ZNF227: variants seen among roughly 807,000 people sequenced by gnomAD.
The protein encoded by ZNF227 is zinc finger protein 227.
ZNF227 carries 12 observed loss-of-function variants against 13.2 expected under a neutral mutation model. The ratio of observed to expected loss-of-function variants is 0.91; its 90% CI spans 0.58 to 1.47. The LOEUF (loss-of-function observed/expected upper bound fraction) is 1.47, where lower values mean the gene tolerates loss of function less well. Among genes scored for constraint, ZNF227 ranks in the 40% most tolerant of loss-of-function variants. The probability of loss-of-function intolerance (pLI) is 0.00; values close to 1 mark genes in which losing one functional copy is unlikely to be tolerated. For synonymous variants in ZNF227, 338 were observed against 326.0 expected (o/e 1.04, Z -0.40); for missense variants, 885 against 967.5 (o/e 0.91, Z 1.13).
chr19:44,236,600 G>T lies in ZNF227; in HGVS notation c.2170G>T (p.Ala724Ser), dbSNP rs1974533989. 1.9e-6 allele frequency: 3 copies of T among 1,613,920 alleles called. No individual in the cohort carries two copies. The highest frequency in any genetic ancestry group is 2.5e-6 in the Non-Finnish European group (3 of 1,180,016). Residue 724 changes from alanine (A) to serine (S), a missense_variant, in exon 6 of 6, where the codon GCC becomes TCC. Ala to Ser is a moderately conservative substitution (Grantham distance 99, BLOSUM62 1). Coordinates refer to ENST00000313040, the MANE Select transcript of ZNF227 (RefSeq NM_182490.3). Reference protein sequence around the residue: ...KPHICEECGKAFSLPSNLRVH... With the variant: ...KPHICEECGKSFSLPSNLRVH... ...CCATATATGTGAGGAGTGTGGTAAG[G>T]CCTTCAGTCTCCCCTCAAATCTTCG...
At chr19:44,217,638 G>A (rs989523887) in intron 2 of ZNF227, 153 bp from the exon 3 acceptor site, 4 of 845,934 alleles carry the variant, frequency 4.7e-6, no homozygotes, top group Admixed American at 1.7e-5. Flanking sequence ...GAACTATCAT[G>A]CCATTTAGTA....
chr19:44,208,170 G>T (rs955300633), upstream of ZNF227, among the ~76,000 whole-genome samples: 1 of 152,138 alleles, frequency 6.6e-6, no homozygotes, highest in Middle Eastern at 3.2e-3. Flanking sequence ...GTACAGTCAA[G>T]CAGTTTTAAA....
intron 2 of ZNF227, among the ~76,000 whole-genome samples, chr19:44,216,018 C>CT (rs1312719407): frequency 1.1e-5 from 1 of 94,382 alleles, no homozygotes; most frequent in Non-Finnish European, 2.0e-5. Flanking sequence ...AAAGATGTAC[C>CT]TTTAAAAAAA....
upstream of ZNF227, among the ~76,000 whole-genome samples, chr19:44,211,189 C>A: frequency 6.7e-6 from 1 of 149,718 alleles, no homozygotes; most frequent in Non-Finnish European, 1.5e-5. Context: ...GGCAAAAGAG[C>A]CAAACTCTGT....
intron 2 of ZNF227, among the ~76,000 whole-genome samples, chr19:44,216,654 TTA>T (rs1971906879): frequency 2.8e-5 from 4 of 144,920 alleles, no homozygotes; most frequent in African/African-American, 7.9e-5. Context: ...GCCTCTCAAT[TTA>T]TCTTTCATGT....
At position 44,222,361 on chromosome 19, in the gene ZNF227, A is replaced by C. The variant is rs1461554624; in HGVS notation, c.60+4509A>C. Among the ~76,000 whole-genome samples the C allele has an allele frequency of 9.0e-3, 1,364 of 150,980 alleles. 23 individuals carry two copies. The highest frequency in any genetic ancestry group is 0.032 in the African/African-American group (1,284 of 40,536). ...CTATAAATTACCTTGGGCAGTATGG[A>C]CATTTTCACGATATTGATTCTTCCT... On this transcript the variant is annotated intron_variant, in intron 3 of 5. Coordinates refer to ENST00000313040, the MANE Select transcript of ZNF227 (RefSeq NM_182490.3).
Position 44,236,946 on chromosome 19 carries a change from C to G in ZNF227, c.*116C>G. Reference sequence around the variant, plus strand: ...GAGAGTGGAAGGGGGTTTGTTCACACTTGGAATCTTTCTAACAAATCCATC... The same window carrying G: ...GAGAGTGGAAGGGGGTTTGTTCACAGTTGGAATCTTTCTAACAAATCCATC... On this transcript the variant is annotated 3_prime_UTR_variant, in exon 6 of 6. Transcript: ENST00000313040. 1.3e-6 allele frequency: 1 copy of G among 768,670 alleles called. No homozygotes were observed. The highest frequency in any genetic ancestry group is 2.0e-6 in the Non-Finnish European group (1 of 492,524). The allele number at this position is 768,670 out of a possible 1,614,324, so 47.6% of individuals were successfully genotyped here. A position where few individuals can be genotyped will look rare whatever the true frequency, so the allele number is the denominator to read the frequency against.
chr19:44,224,668 C>T (rs997912639), intron 3 of ZNF227, among the ~76,000 whole-genome samples: 9 of 152,156 alleles, frequency 5.9e-5, no homozygotes, highest in South Asian at 4.1e-4. Context: ...TGTCTCTGCA[C>T]GTGAGATGGG....
chr19:44,233,480 G>A (rs1435125784), intron 5 of ZNF227, among the ~76,000 whole-genome samples: 2 of 152,084 alleles, frequency 1.3e-5, no homozygotes, highest in Non-Finnish European at 2.9e-5. Flanking sequence ...AACAAAATGC[G>A]TGTTTTTTTC....
chr19:44,216,036 AAAAG>A (rs1971853636), intron 2 of ZNF227, among the ~76,000 whole-genome samples: 1 of 151,282 alleles, frequency 6.6e-6, no homozygotes, highest in African/African-American at 2.4e-5. Flanking sequence ...AAAAAAAAAA[AAAAG>A]CTATGTTTTT....
chr19:44,215,663 T>C lies in ZNF227; in HGVS notation c.-2-2128T>C, dbSNP rs770237352. 2.0e-5 allele frequency among the ~76,000 whole-genome samples: 3 copies of C among 152,102 alleles called. No homozygotes were observed. The South Asian group carries it at 6.2e-4, about 31-fold the overall frequency. ...TAAACTTAATCAGCATGTGTTCTTA[T>C]TCTGAAGAATATTGAGACTAAAAAA... On this transcript the variant is annotated intron_variant, in intron 2 of 5. Coordinates refer to ENST00000313040, the MANE Select transcript of ZNF227 (RefSeq NM_182490.3).
intron 3 of ZNF227, among the ~76,000 whole-genome samples, chr19:44,226,295 A>G (rs1188881491): frequency 2.0e-5 from 3 of 151,978 alleles, no homozygotes. Flanking sequence ...GAGAACCACT[A>G]CTCTGTTCAA....
At chr19:44,230,202 A>G in intron 5 of ZNF227, among the ~76,000 whole-genome samples, 1 of 151,960 alleles carries the variant, frequency 6.6e-6, no homozygotes, top group African/African-American at 2.4e-5. Context: ...TTTTGTAGAG[A>G]TGAGGTCTTG....
chr19:44,212,360 C>A (rs1971417754), upstream of ZNF227, among the ~76,000 whole-genome samples: 1 of 144,292 alleles, frequency 6.9e-6, no homozygotes, highest in African/African-American at 2.6e-5. Context: ...CTCACTCGCT[C>A]GCTCCGTTTT....
intron 3 of ZNF227, among the ~76,000 whole-genome samples, chr19:44,226,778 C>T (rs1192613975): frequency 1.3e-5 from 2 of 152,158 alleles, no homozygotes; most frequent in African/African-American, 4.8e-5. Flanking sequence ...GTGCTGCACC[C>T]ACTGCCCTGC....
rs1382160926 is a variant in ZNF227 at position 44,222,960 on chromosome 19, G to A, written c.60+5108G>A. Among the ~76,000 whole-genome samples, 4 of 151,784 alleles carry A rather than the reference G, an allele frequency of 2.6e-5. No homozygotes were observed. In the East Asian group the frequency reaches 7.7e-4, roughly 29 times the overall value. On this transcript the variant is annotated intron_variant, in intron 3 of 5. Transcript: ENST00000313040. Reference sequence around the variant, plus strand: ...CCCATCAATACCTAATTTATTGAGAGTTTTTAGCATGAAGGGTTGTTGAAT... The same window carrying A: ...CCCATCAATACCTAATTTATTGAGAATTTTTAGCATGAAGGGTTGTTGAAT...
chr19:44,220,738 A>G (rs751754804), intron 3 of ZNF227, among the ~76,000 whole-genome samples: 9 of 152,108 alleles, frequency 5.9e-5, no homozygotes, highest in African/African-American at 1.4e-4. Context: ...TACATGTGCC[A>G]TGCTGGTGTG....
At chr19:44,215,847 A>G (rs1971817519) in intron 2 of ZNF227, among the ~76,000 whole-genome samples, 1 of 151,842 alleles carries the variant, frequency 6.6e-6, no homozygotes, top group Non-Finnish European at 1.5e-5. Context: ...AATTAGCCAG[A>G]CGTGGTGGTG....
rs1390253991 is a variant in ZNF227, at chr19:44,230,943, A to C, written c.271+1127A>C. On this transcript the variant is annotated intron_variant, in intron 5 of 5. Coordinates refer to ENST00000313040, the MANE Select transcript of ZNF227 (RefSeq NM_182490.3). ...AAAAAAAAAATATATATATATATAT[A>C]TATATATATATCTTAGCCAGGCATG... is the stretch of plus-strand genomic sequence containing the variant. Among the ~76,000 whole-genome samples the C allele has an allele frequency of 5.9e-4, 80 of 135,400 alleles. 3 individuals are homozygous for C. Among genetic ancestry groups the C allele is most frequent in the African/African-American group, 1.8e-3 (61 of 33,202 alleles). 88.8% of individuals were successfully genotyped at this position (135,400 alleles called of 152,430 possible).
Sources: gnomAD v4.1 joint callset for allele counts (sites outside exome capture counted in the v4.1 genomes callset) on GRCh38, gnomAD v4.1.1 for gene constraint, MANE v1.5 for transcripts, NCBI Gene and HGNC (gene_info 2026-07-23, HGNC 2026-07-21) for gene names.